The following LHX8 variants were observed in gnomAD, a reference collection of about 807,000 sequenced individuals.
The protein encoded by LHX8 is LIM/homeobox protein Lhx8.
LHX8 carries 12 observed loss-of-function variants against 40.3 expected under a neutral mutation model. That is an observed-to-expected ratio of 0.30 (90% CI 0.19 to 0.48). The LOEUF is 0.48. LHX8 is among the 20% of genes least tolerant of loss of function. LHX8 has a pLI of 0.99. For synonymous variants in LHX8, 179 were observed against 162.0 expected, an observed-to-expected ratio of 1.10 and a Z score of -0.80; for missense variants, 344 against 433.7, an observed-to-expected ratio of 0.79 and a Z score of 1.84.
upstream of LHX8, chr1:75,130,529 C>T (rs1437086662): frequency 4.4e-6 from 3 of 679,156 alleles, no homozygotes; most frequent in East Asian, 7.7e-5. Context: ...TCTTGGCCCA[C>T]AGTGGGAGAG....
At position 75,150,791 on chromosome 1, in the gene LHX8, C is replaced by G. The variant is rs546430253; in HGVS notation, c.780+2109C>G. Reference sequence around the variant, plus strand: ...TCCCGGGTTCAAGCAATTCTCCTGCCTCAGCCTTCTGAGTAGCTGGGATTA... The same window carrying G: ...TCCCGGGTTCAAGCAATTCTCCTGCGTCAGCCTTCTGAGTAGCTGGGATTA... On this transcript the variant is annotated intron_variant, in intron 7 of 8. Coordinates refer to ENST00000356261, the MANE Select transcript of LHX8 (RefSeq NM_001256114.2). Among the ~76,000 whole-genome samples, 274 of 151,818 alleles carry G rather than the reference C, an allele frequency of 1.8e-3. 1 individual carries two copies. Among genetic ancestry groups the G allele is most frequent in the Non-Finnish European group, 1.3e-3 (87 of 67,932 alleles).
chr1:75,191,576 G>A, the LHX8 span, among the ~76,000 whole-genome samples: 1 of 152,134 alleles, frequency 6.6e-6, no homozygotes, highest in Non-Finnish European at 1.5e-5. Context: ...AAACCCCACT[G>A]AACAGAAATC....
chr1:75,191,789 G>T, the LHX8 span, among the ~76,000 whole-genome samples: 2 of 152,178 alleles, frequency 1.3e-5, no homozygotes, highest in Non-Finnish European at 2.9e-5. Context: ...TGCCATCATT[G>T]GCCAGAAGCC....
rs1160638536 is a variant in LHX8 at position 75,137,021 on chromosome 1, T to C, written c.76-79T>C. On this transcript the variant is annotated intron_variant, in intron 2 of 8. Coordinates refer to ENST00000356261, the MANE Select transcript of LHX8 (RefSeq NM_001256114.2). Reference sequence around the variant, plus strand: ...GCCAGGGGGAAGGGAGGGGAGGCGGTGGGGGCGCCCTTGTGGGTAGGTGGG... The same window carrying C: ...GCCAGGGGGAAGGGAGGGGAGGCGGCGGGGGCGCCCTTGTGGGTAGGTGGG... 9 of 978,838 alleles carry C rather than the reference T, an allele frequency of 9.2e-6. No individual in the cohort carries two copies. In the African/African-American group the frequency reaches 1.2e-4, roughly 13 times the overall value. The allele number at this position is 978,838 out of a possible 1,614,324, so 60.6% of individuals were successfully genotyped here. A position where few individuals can be genotyped will look rare whatever the true frequency, so the allele number is the denominator to read the frequency against.
At chr1:75,191,904 GCA>G in the LHX8 span, among the ~76,000 whole-genome samples, 1 of 152,150 alleles carries the variant, frequency 6.6e-6, no homozygotes, top group African/African-American at 2.4e-5. Context: ...AACAGTCTGT[GCA>G]CAGTTAGAAT....
At chr1:75,174,665 A>T in the LHX8 span, among the ~76,000 whole-genome samples, 1 of 152,162 alleles carries the variant, frequency 6.6e-6, no homozygotes, top group African/African-American at 2.4e-5. Context: ...TTTCAGAATA[A>T]ATGACATTTC....
At chr1:75,155,269 C>A (rs2100358396) in intron 7 of LHX8, among the ~76,000 whole-genome samples, 2 of 129,872 alleles carry the variant, frequency 1.5e-5, no homozygotes, top group South Asian at 2.5e-4. Flanking sequence ...GAGTCTCGCT[C>A]TGTCGCCCAG....
At chr1:75,173,503 C>T in the LHX8 span, among the ~76,000 whole-genome samples, 4 of 151,334 alleles carry the variant, frequency 2.6e-5, no homozygotes, top group East Asian at 5.9e-4. Context: ...CTGCCTCAGC[C>T]TCCCGAGTAG....
the LHX8 span, among the ~76,000 whole-genome samples, chr1:75,195,176 G>A: frequency 6.6e-6 from 1 of 152,130 alleles, no homozygotes; most frequent in Non-Finnish European, 1.5e-5. Flanking sequence ...TGGTACTTTA[G>A]ATGTCTTACC....
In LHX8 at chr1:75,141,537, T is replaced by C. The variant is rs147316690; in HGVS notation, c.359+431T>C. Among the ~76,000 whole-genome samples, 1,422 of 152,266 alleles carry C rather than the reference T, an allele frequency of 9.3e-3. 29 individuals carry two copies. The highest frequency in any genetic ancestry group is 0.032 in the African/African-American group (1,341 of 41,568). ...TTTACCATAGAATGATCCCTACTTA[T>C]AAACCTATAAAATTCTAAGGGTTTG... On this transcript the variant is annotated intron_variant, in intron 4 of 8. Coordinates refer to ENST00000356261, the MANE Select transcript of LHX8 (RefSeq NM_001256114.2).
chr1:75,147,783 G>A (rs1648501116), intron 6 of LHX8, among the ~76,000 whole-genome samples: 1 of 152,038 alleles, frequency 6.6e-6, no homozygotes, highest in Non-Finnish European at 1.5e-5. Flanking sequence ...TCTCTTTTCT[G>A]AAAGAATTCA....
At chr1:75,146,505 G>T (rs1248851663) in intron 6 of LHX8, among the ~76,000 whole-genome samples, 1 of 152,096 alleles carries the variant, frequency 6.6e-6, no homozygotes, top group African/African-American at 2.4e-5. Context: ...TCCTGCTTTA[G>T]TCTGTTTTCA....
intron 7 of LHX8, among the ~76,000 whole-genome samples, chr1:75,149,567 T>G (rs558430315): frequency 6.6e-6 from 1 of 152,266 alleles, no homozygotes; most frequent in Non-Finnish European, 1.5e-5. Flanking sequence ...TTTGGGAAAC[T>G]TTTTGAAACA....
Position 75,161,059 on chromosome 1 carries a change from C to T in LHX8, c.*164C>T. On this transcript the variant is annotated 3_prime_UTR_variant, in exon 9 of 9. Coordinates refer to ENST00000356261, the MANE Select transcript of LHX8 (RefSeq NM_001256114.2). ...GTATCTATAGTTGGCCTGCAAGACA[C>T]TTTTATTAATTCTTCATTTTTTGTA... is the stretch of plus-strand genomic sequence containing the variant. 2 of 602,104 alleles carry T rather than the reference C, an allele frequency of 3.3e-6. No individual in the cohort carries two copies. The highest frequency in any genetic ancestry group is 5.9e-6 in the Non-Finnish European group (2 of 339,258). 37.3% of individuals were successfully genotyped at this position (602,104 alleles called of 1,614,324 possible).
chr1:75,176,891 T>C, the LHX8 span, among the ~76,000 whole-genome samples: 1 of 152,206 alleles, frequency 6.6e-6, no homozygotes, highest in Non-Finnish European at 1.5e-5. Context: ...TTTCTACATA[T>C]GGCTAGCCAG....
intron 8 of LHX8, among the ~76,000 whole-genome samples, chr1:75,158,231 C>G (rs1570306867): frequency 6.6e-6 from 1 of 151,994 alleles, no homozygotes; most frequent in South Asian, 2.1e-4. Flanking sequence ...ACTGGCTTGT[C>G]TTTATTATTT....
At chr1:75,193,268 A>C in the LHX8 span, among the ~76,000 whole-genome samples, 3 of 152,146 alleles carry the variant, frequency 2.0e-5, no homozygotes, top group Non-Finnish European at 4.4e-5. Context: ...TGATCCCAGC[A>C]CATTGCCTTT....
At chr1:75,176,652 T>C in the LHX8 span, among the ~76,000 whole-genome samples, 2 of 152,350 alleles carry the variant, frequency 1.3e-5, no homozygotes, top group Non-Finnish European at 2.9e-5. Context: ...TAGTTTCTTT[T>C]GCTGTGCAGA....
At chr1:75,134,106 G>A (rs1648044818), upstream of LHX8, among the ~76,000 whole-genome samples, 3 of 152,048 alleles carry the variant, frequency 2.0e-5, no homozygotes, top group African/African-American at 7.3e-5. Context: ...GTTGGGGAGC[G>A]AGAATTTAAA....
Sources: gnomAD v4.1 joint callset for allele counts (sites outside exome capture counted in the v4.1 genomes callset) on GRCh38, gnomAD v4.1.1 for gene constraint, MANE v1.5 for transcripts, NCBI Gene and HGNC (gene_info 2026-07-23, HGNC 2026-07-21) for gene names.